The following PARD3B variants were observed in gnomAD, a reference collection of about 807,000 sequenced individuals.
PARD3B encodes partitioning defective 3 homolog B.
A neutral mutation model predicts 130.2 loss-of-function variants in PARD3B; 103 were observed. The observed-to-expected ratio is 0.79, with a 90% CI of 0.67 to 0.93. The LOEUF (loss-of-function observed/expected upper bound fraction) is 0.93. Ranked by LOEUF, PARD3B falls within the 40% of genes least tolerant of loss-of-function variation. PARD3B has a pLI of 0.00. For missense variants in PARD3B, 1,609 were observed against 1,499.2 expected (o/e 1.07, Z -1.21); for synonymous variants, 583 against 553.2 (o/e 1.05, Z -0.76).
intron 21 of PARD3B, among the ~76,000 whole-genome samples, chr2:205,512,665 C>A (rs1310967791): frequency 2.6e-5 from 4 of 152,148 alleles, no homozygotes; most frequent in Non-Finnish European, 5.9e-5. Context: ...CAACACTTAC[C>A]TACAAGGAAA....
At chr2:205,118,631 G>T (rs2030220939) in intron 6 of PARD3B, among the ~76,000 whole-genome samples, 2 of 152,114 alleles carry the variant, frequency 1.3e-5, no homozygotes, top group Non-Finnish European at 2.9e-5. Flanking sequence ...ACAAGTCTTT[G>T]GTGTCAACTC....
At chr2:204,572,707 A>C (rs1305531610) in intron 1 of PARD3B, among the ~76,000 whole-genome samples, 1 of 152,226 alleles carries the variant, frequency 6.6e-6, no homozygotes, top group South Asian at 2.1e-4. Flanking sequence ...TACTCTAGAC[A>C]GCTGTGTAAA....
At chr2:204,832,226 A>C (rs1464804517) in intron 2 of PARD3B, among the ~76,000 whole-genome samples, 3 of 152,132 alleles carry the variant, frequency 2.0e-5, no homozygotes, top group Non-Finnish European at 4.4e-5. Context: ...ACTCTGTCTC[A>C]AAAAACAAAC....
chr2:205,059,726 A>G (rs955419104), intron 4 of PARD3B, among the ~76,000 whole-genome samples: 2 of 152,036 alleles, frequency 1.3e-5, no homozygotes, highest in African/African-American at 4.8e-5. Context: ...TGTTTAAGGA[A>G]TGGGGGAATT....
At chr2:205,412,231 C>T (rs1001614766) in intron 19 of PARD3B, among the ~76,000 whole-genome samples, 1 of 152,082 alleles carries the variant, frequency 6.6e-6, no homozygotes, top group Non-Finnish European at 1.5e-5. Flanking sequence ...CAGGCACAAA[C>T]TCCTGCCTTT....
intron 16 of PARD3B, among the ~76,000 whole-genome samples, chr2:205,296,024 TC>T (rs1325577054): frequency 6.6e-6 from 1 of 152,178 alleles, no homozygotes; most frequent in Non-Finnish European, 1.5e-5. Context: ...GAACGCATGA[TC>T]ATATTTAAGA....
intron 2 of PARD3B, among the ~76,000 whole-genome samples, chr2:204,750,599 T>C (rs910514214): frequency 8.5e-5 from 7 of 82,384 alleles, no homozygotes; most frequent in Non-Finnish European, 1.4e-4. Flanking sequence ...AATACACACA[T>C]ACATACATAC....
chr2:204,990,034 A>G (rs1257511896), intron 3 of PARD3B, among the ~76,000 whole-genome samples: 1 of 152,134 alleles, frequency 6.6e-6, no homozygotes, highest in Non-Finnish European at 1.5e-5. Flanking sequence ...TAATTCTTTA[A>G]ACTACTAAAT....
intron 15 of PARD3B, among the ~76,000 whole-genome samples, chr2:205,239,320 C>T (rs2039247163): frequency 6.6e-6 from 1 of 152,132 alleles, no homozygotes; most frequent in Non-Finnish European, 1.5e-5. Flanking sequence ...TCACCTAAAA[C>T]CTTTATTGTC....
chr2:205,531,936 CTTCT>C (rs540851813), intron 21 of PARD3B, among the ~76,000 whole-genome samples: 4 of 152,014 alleles, frequency 2.6e-5, no homozygotes, highest in Non-Finnish European at 4.4e-5. Flanking sequence ...ATTATCTTTC[CTTCT>C]TTCTGTTTTT....
intron 2 of PARD3B, among the ~76,000 whole-genome samples, chr2:204,763,964 T>C (rs77671675): frequency 1.7e-4 from 26 of 152,192 alleles, no homozygotes; most frequent in Non-Finnish European, 2.9e-4. Flanking sequence ...TTTACTTTTT[T>C]GAGACCAAGT....
At position 205,563,028 on chromosome 2, in the gene PARD3B, A is replaced by G. The variant is rs2106525359; in HGVS notation, c.3260+9625A>G. Among the ~76,000 whole-genome samples, 1 of 152,342 alleles carries G rather than the reference A, an allele frequency of 6.6e-6. No individual in the cohort carries two copies. The highest frequency in any genetic ancestry group is 2.1e-4 in the South Asian group (1 of 4,826). On this transcript the variant is annotated intron_variant, in intron 22 of 22. Coordinates refer to ENST00000406610, the MANE Select transcript of PARD3B (RefSeq NM_001302769.2). This position sits in a 1 kb window ranked among gnomAD's most constrained non-coding sequence, Gnocchi z 4.2. ...GGCCTGTGCTTTATGATTATTTAAA[A>G]TGACATTATATCACTGAAATACATA...
intron 1 of PARD3B, among the ~76,000 whole-genome samples, chr2:204,563,257 C>CTCTT (rs1553542027): frequency 2.1e-5 from 3 of 142,672 alleles, no homozygotes; most frequent in African/African-American, 8.1e-5. Context: ...CTCTCTCTCT[C>CTCTT]TCTCTCTCTT....
At chr2:205,049,537 T>G (rs890489623) in intron 4 of PARD3B, among the ~76,000 whole-genome samples, 2 of 152,258 alleles carry the variant, frequency 1.3e-5, no homozygotes, top group African/African-American at 4.8e-5. Flanking sequence ...ACCTTAACCA[T>G]ATCGGTCCTC....
At position 205,290,195 on chromosome 2, in the gene PARD3B, T is replaced by C. The variant is rs546080075; in HGVS notation, c.2186-10335T>C. 7.9e-5 allele frequency among the ~76,000 whole-genome samples: 12 copies of C among 152,338 alleles called. No homozygotes were observed. In the East Asian group the frequency reaches 2.1e-3, roughly 27 times the overall value. On this transcript the variant is annotated intron_variant, in intron 16 of 22. Transcript: ENST00000406610. Reference sequence around the variant, plus strand: ...GTACGAACAATTTATTTTCTAAAATTTGGGGACTTGTATTCCCCTGAGATG... The same window carrying C: ...GTACGAACAATTTATTTTCTAAAATCTGGGGACTTGTATTCCCCTGAGATG...
chr2:205,274,328 T>C lies in PARD3B; in HGVS notation c.2186-26202T>C, dbSNP rs895560392. 3.9e-5 allele frequency among the ~76,000 whole-genome samples: 6 copies of C among 152,084 alleles called. No individual in the cohort carries two copies. The highest frequency in any genetic ancestry group is 1.3e-4 in the Admixed American group (2 of 15,266). On this transcript the variant is annotated intron_variant, in intron 16 of 22. Transcript: ENST00000406610. This position sits in a 1 kb window ranked among gnomAD's most constrained non-coding sequence, Gnocchi z 4.2. ...CTATATACTTGAAACTTAGAAAATT[T>C]GCAAGAATAATCAGCTGATTTCATT...
intron 21 of PARD3B, among the ~76,000 whole-genome samples, chr2:205,523,237 A>C (rs28629311): frequency 6.8e-6 from 1 of 146,148 alleles, no homozygotes; most frequent in Non-Finnish European, 1.5e-5. Context: ...ATATATATAT[A>C]TATATTTATA....
At chr2:204,917,709 C>G (rs573469261) in intron 2 of PARD3B, among the ~76,000 whole-genome samples, 2 of 152,144 alleles carry the variant, frequency 1.3e-5, no homozygotes, top group African/African-American at 4.8e-5. Context: ...TTTTAACTGA[C>G]AGTGTAGCCA....
In PARD3B at chr2:205,253,837, A is replaced by G. The variant is rs150964995; in HGVS notation, c.2185+8015A>G. 1.3e-5 allele frequency among the ~76,000 whole-genome samples: 2 copies of G among 152,216 alleles called. No individual in the cohort carries two copies. Among genetic ancestry groups the G allele is most frequent in the African/African-American group, 4.8e-5 (2 of 41,550 alleles). ...CATGATATGGGTGTGAGAAGCTTCA[A>G]TTGAGAAAGCTGCTGAGAAAGTAGA... On this transcript the variant is annotated intron_variant, in intron 16 of 22. Coordinates refer to ENST00000406610, the MANE Select transcript of PARD3B (RefSeq NM_001302769.2). This position sits in a 1 kb window ranked among gnomAD's most constrained non-coding sequence, Gnocchi z 4.4.
Sources: allele counts gnomAD v4.1 joint callset (sites outside exome capture counted in the v4.1 genomes callset), GRCh38; gene constraint gnomAD v4.1.1; non-coding constraint Gnocchi (gnomAD v3.1); transcripts MANE v1.5; gene names NCBI Gene and HGNC (gene_info 2026-07-23, HGNC 2026-07-21).